Variants in TNPO1 observed in about 807,000 individuals in gnomAD.
TNPO1 encodes the protein transportin-1.
TNPO1 carries 8 observed loss-of-function variants against 119.5 expected under a neutral mutation model. The ratio of observed to expected loss-of-function variants is 0.07; its 90% CI spans 0.04 to 0.12. The LOEUF (loss-of-function observed/expected upper bound fraction) is 0.12, where lower values mean the gene tolerates loss of function less well. Ranked by LOEUF, TNPO1 falls within the 10% of genes least tolerant of loss-of-function variation. TNPO1 has a pLI of 1.00. For missense variants in TNPO1, 576 were observed against 1,089.8 expected (o/e 0.53, Z 6.64); for synonymous variants, 362 against 363.0 (o/e 1.00, Z 0.03).
chr5:72,893,320 A>G (rs1416361949), intron 16 of TNPO1, 57 bp from the exon 17 acceptor site: 1 of 1,605,408 alleles, frequency 6.2e-7, no homozygotes, highest in Non-Finnish European at 8.5e-7. Context: ...ATGTATACAG[A>G]CTTTTTAAGT....
intron 6 of TNPO1, among the ~76,000 whole-genome samples, chr5:72,870,205 C>A (rs1747286086): frequency 6.8e-6 from 1 of 146,632 alleles, no homozygotes; most frequent in Non-Finnish European, 1.5e-5. Flanking sequence ...TTGTCTCCCA[C>A]ACTAGAGTGC....
chr5:72,851,924 A>G (rs553614155), intron 3 of TNPO1, among the ~76,000 whole-genome samples: 1 of 152,352 alleles, frequency 6.6e-6, no homozygotes, highest in South Asian at 2.1e-4. Flanking sequence ...GTTGTAATAC[A>G]AAGATTGAAT....
At chr5:72,888,697 C>T (rs1748836012) in intron 13 of TNPO1, among the ~76,000 whole-genome samples, 1 of 152,206 alleles carries the variant, frequency 6.6e-6, no homozygotes, top group South Asian at 2.1e-4. Context: ...GATGGCAGGA[C>T]TCCTACTCTT....
At chr5:72,848,967 A>C (rs1012433487) in intron 2 of TNPO1, among the ~76,000 whole-genome samples, 3 of 151,730 alleles carry the variant, frequency 2.0e-5, no homozygotes, top group Non-Finnish European at 4.4e-5. Flanking sequence ...TCGCCGCCTG[A>C]CTGGCCAGAA....
intron 14 of TNPO1, 95 bp downstream of exon 14, chr5:72,890,052 G>A: frequency 7.2e-7 from 1 of 1,387,084 alleles, no homozygotes; most frequent in Non-Finnish European, 1.0e-6. Context: ...TGTTTTGGGA[G>A]ATGTGAATAG....
At chr5:72,877,412 AT>A in intron 9 of TNPO1, 66 bp downstream of exon 9, 1 of 790,290 alleles carries the variant, frequency 1.3e-6, no homozygotes, top group Non-Finnish European at 2.0e-6. Context: ...TCATTTTCAT[AT>A]TTTTATAAAA....
chr5:72,820,865 T>A (rs1415686964), intron 1 of TNPO1, among the ~76,000 whole-genome samples: 3 of 152,026 alleles, frequency 2.0e-5, no homozygotes, highest in Non-Finnish European at 4.4e-5. Flanking sequence ...AAAAAGAAAA[T>A]CTTTACCTGG....
chr5:72,905,749 G>T (rs1482725744), intron 24 of TNPO1, among the ~76,000 whole-genome samples: 1 of 152,086 alleles, frequency 6.6e-6, no homozygotes, highest in South Asian at 2.1e-4. Context: ...ACAAAAATTA[G>T]CCACGTGTGG....
chr5:72,851,136 C>A (rs112497811), intron 2 of TNPO1, 108 bp from the exon 3 acceptor site: 5 of 664,348 alleles, frequency 7.5e-6, no homozygotes, highest in East Asian at 5.9e-5. Context: ...AAAAAAAAAA[C>A]GCAGGACTGA....
chr5:72,890,000 A>G (rs371834669), intron 14 of TNPO1, 43 bp downstream of exon 14: 21 of 1,583,172 alleles, frequency 1.3e-5, no homozygotes, highest in Non-Finnish European at 1.6e-5. Context: ...AATGTGTAGC[A>G]TAGTTACAAT....
intron 20 of TNPO1, among the ~76,000 whole-genome samples, chr5:72,899,429 C>T (rs1288204288): frequency 6.6e-6 from 1 of 152,086 alleles, no homozygotes; most frequent in East Asian, 1.9e-4. Context: ...CAAATTTCCA[C>T]TGGTTGGTTT....
chr5:72,860,559 T>A (rs941849354), intron 4 of TNPO1, among the ~76,000 whole-genome samples: 1 of 152,220 alleles, frequency 6.6e-6, no homozygotes, highest in African/African-American at 2.4e-5. Context: ...ATCCATTCAG[T>A]CAGAACAACA....
chr5:72,841,615 A>G (rs1744919891), intron 1 of TNPO1, among the ~76,000 whole-genome samples: 1 of 152,166 alleles, frequency 6.6e-6, no homozygotes, highest in African/African-American at 2.4e-5. Context: ...CTGGGATTAC[A>G]GGAATGAGCC....
At chr5:72,874,045 T>C (rs933856295) in intron 7 of TNPO1, among the ~76,000 whole-genome samples, 8 of 152,162 alleles carry the variant, frequency 5.3e-5, no homozygotes, top group Admixed American at 5.2e-4. Context: ...AATTGAATTA[T>C]CTCTGAAAAT....
At chr5:72,900,363 T>C (rs1749719320) in intron 21 of TNPO1, among the ~76,000 whole-genome samples, 1 of 152,320 alleles carries the variant, frequency 6.6e-6, no homozygotes, top group Admixed American at 6.5e-5. Flanking sequence ...CATTTAAATA[T>C]CCACCAGAAA....
At chr5:72,885,318 CAA>C (rs1389236549) in intron 11 of TNPO1, among the ~76,000 whole-genome samples, 3 of 152,206 alleles carry the variant, frequency 2.0e-5, no homozygotes, top group Admixed American at 1.3e-4. Flanking sequence ...ACTACTATTA[CAA>C]ATTACTTCCC....
chr5:72,855,959 T>G (rs774684444), intron 4 of TNPO1, 36 bp downstream of exon 4: 2 of 1,602,010 alleles, frequency 1.2e-6, no homozygotes, highest in African/African-American at 2.7e-5. Context: ...TTACTTTGTT[T>G]GTAACTGGGT....
intron 4 of TNPO1, among the ~76,000 whole-genome samples, chr5:72,858,114 G>A (rs1204379828): frequency 6.6e-6 from 1 of 152,166 alleles, no homozygotes; most frequent in African/African-American, 2.4e-5. Flanking sequence ...CTTTTATTTA[G>A]TTGCTTTACT....
intron 2 of TNPO1, among the ~76,000 whole-genome samples, chr5:72,849,312 C>G (rs933002308): frequency 6.6e-6 from 1 of 152,152 alleles, no homozygotes; most frequent in Non-Finnish European, 1.5e-5. Context: ...CTAAACCGTG[C>G]TCAAATGGAG....
Sources: allele counts gnomAD v4.1 joint callset (sites outside exome capture counted in the v4.1 genomes callset), GRCh38; gene constraint gnomAD v4.1.1; transcripts MANE v1.5; gene names NCBI Gene and HGNC (gene_info 2026-07-23, HGNC 2026-07-21).